UBE2E2: variants seen among roughly 807,000 people sequenced by gnomAD.
UBE2E2 encodes ubiquitin conjugating enzyme E2 E2.
UBE2E2 carries 6 observed loss-of-function variants against 24.7 expected under a neutral mutation model. The observed-to-expected ratio is 0.24, with a 90% CI of 0.13 to 0.48. UBE2E2 has a LOEUF of 0.48. UBE2E2 is among the 20% of genes least tolerant of loss of function. UBE2E2 has a pLI of 0.99. For missense variants in UBE2E2, 169 were observed against 245.0 expected (o/e 0.69, Z 2.07); for synonymous variants, 104 against 83.6 (o/e 1.24, Z -1.33).
At chr3:23,388,693 T>G (rs1216859283) in intron 3 of UBE2E2, among the ~76,000 whole-genome samples, 1 of 152,036 alleles carries the variant, frequency 6.6e-6, no homozygotes, top group African/African-American at 2.4e-5. Flanking sequence ...AAAAAAAATA[T>G]TTGGTCTTTG....
chr3:23,255,665 A>G (rs1439300771), intron 3 of UBE2E2, among the ~76,000 whole-genome samples: 3 of 152,218 alleles, frequency 2.0e-5, no homozygotes, highest in Admixed American at 6.5e-5. Flanking sequence ...TCTATTTTAC[A>G]GAAGTATGAG....
At chr3:23,552,356 A>G (rs746635426) in intron 5 of UBE2E2, among the ~76,000 whole-genome samples, 7 of 152,178 alleles carry the variant, frequency 4.6e-5, no homozygotes, top group Non-Finnish European at 8.8e-5. Context: ...CCTTCTCTAA[A>G]AAATAAAGTT....
chr3:23,339,332 T>G (rs1345652416), intron 3 of UBE2E2, among the ~76,000 whole-genome samples: 1 of 152,140 alleles, frequency 6.6e-6, no homozygotes, highest in Non-Finnish European at 1.5e-5. Flanking sequence ...GGTATTTGGA[T>G]CAAACACTGG....
chr3:23,327,359 C>T (rs570360320), intron 3 of UBE2E2, among the ~76,000 whole-genome samples: 23 of 152,234 alleles, frequency 1.5e-4, no homozygotes, highest in Admixed American at 7.2e-4. Context: ...TTTTAATGAT[C>T]GCCATTCTAA....
rs565434071 is a variant in UBE2E2 at position 23,446,138 on chromosome 3, G to A, written c.228-53470G>A. 7.2e-5 allele frequency among the ~76,000 whole-genome samples: 11 copies of A among 152,210 alleles called. No individual in the cohort carries two copies. The East Asian group carries it at 7.7e-4, about 11-fold the overall frequency. On this transcript the variant is annotated intron_variant, in intron 3 of 5. Transcript: ENST00000396703. ...GTCACTCTTGAAACTGGCATCCTTC[G>A]GGGTCTCTGATAAATGGATCAAAAC...
chr3:23,296,679 G>A (rs1460238710), intron 3 of UBE2E2, among the ~76,000 whole-genome samples: 3 of 152,164 alleles, frequency 2.0e-5, no homozygotes, highest in Non-Finnish European at 4.4e-5. Context: ...TGGTGTATAT[G>A]TGCCACATTT....
At chr3:23,440,145 G>A (rs1698271388) in intron 3 of UBE2E2, among the ~76,000 whole-genome samples, 1 of 152,060 alleles carries the variant, frequency 6.6e-6, no homozygotes, top group South Asian at 2.1e-4. Flanking sequence ...GCAGTGGCAG[G>A]TGCCTGTAAT....
At chr3:23,297,736 G>A (rs899588732) in intron 3 of UBE2E2, among the ~76,000 whole-genome samples, 1 of 152,118 alleles carries the variant, frequency 6.6e-6, no homozygotes, top group African/African-American at 2.4e-5. Context: ...CTCCAGCTTT[G>A]TTCTTTTGGC....
intron 3 of UBE2E2, among the ~76,000 whole-genome samples, chr3:23,490,976 T>G (rs886084111): frequency 6.6e-6 from 1 of 152,164 alleles, no homozygotes; most frequent in African/African-American, 2.4e-5. Context: ...ACAAAATAAT[T>G]ATTTTTCTTG....
chr3:23,465,346 C>G (rs1698899188), intron 3 of UBE2E2, among the ~76,000 whole-genome samples: 1 of 152,226 alleles, frequency 6.6e-6, no homozygotes, highest in Non-Finnish European at 1.5e-5. Context: ...TGGAATCACA[C>G]TAGGTATAAT....
At chr3:23,532,930 T>A (rs1378331607) in intron 5 of UBE2E2, among the ~76,000 whole-genome samples, 1 of 152,102 alleles carries the variant, frequency 6.6e-6, no homozygotes, top group African/African-American at 2.4e-5. Flanking sequence ...GTAAAAAAAA[T>A]AATGAAAAAT....
intron 3 of UBE2E2, among the ~76,000 whole-genome samples, chr3:23,399,743 G>A (rs1284329569): frequency 6.6e-6 from 1 of 152,078 alleles, no homozygotes; most frequent in Non-Finnish European, 1.5e-5. Context: ...AAAATCGTAT[G>A]GACAACTCAG....
At chr3:23,537,487 G>A (rs897086866) in intron 5 of UBE2E2, among the ~76,000 whole-genome samples, 1 of 152,144 alleles carries the variant, frequency 6.6e-6, no homozygotes, top group Non-Finnish European at 1.5e-5. Context: ...TTAACCCTCA[G>A]CCTTGTATAG....
chr3:23,339,167 C>T (rs1193555726), intron 3 of UBE2E2, among the ~76,000 whole-genome samples: 2 of 152,040 alleles, frequency 1.3e-5, no homozygotes, highest in South Asian at 4.1e-4. Context: ...AATGCATATC[C>T]TGAATTTAAT....
chr3:23,483,430 A>G (rs1361814393), intron 3 of UBE2E2, among the ~76,000 whole-genome samples: 1 of 152,258 alleles, frequency 6.6e-6, no homozygotes, highest in African/African-American at 2.4e-5. Flanking sequence ...TCTTATTATA[A>G]CTTCACACGG....
intron 3 of UBE2E2, among the ~76,000 whole-genome samples, chr3:23,444,065 G>GTTTTTTT (rs59171795): frequency 4.3e-5 from 5 of 117,388 alleles, no homozygotes; most frequent in Non-Finnish European, 5.5e-5. Context: ...CACCAGTTTT[G>GTTTTTTT]TTTTTTTTTT....
intron 5 of UBE2E2, among the ~76,000 whole-genome samples, chr3:23,587,129 G>A (rs1481016391): frequency 6.6e-6 from 1 of 152,054 alleles, no homozygotes; most frequent in African/African-American, 2.4e-5. Context: ...AATCAAATTT[G>A]AAAACGTAAA....
Position 23,558,380 on chromosome 3 carries a change from A to G in UBE2E2, c.508+25679A>G, listed in dbSNP as rs574144581. Among the ~76,000 whole-genome samples, 3 of 152,272 alleles carry G rather than the reference A, an allele frequency of 2.0e-5. No homozygotes were observed. In the South Asian group the frequency reaches 6.2e-4, roughly 32 times the overall value. On this transcript the variant is annotated intron_variant, in intron 5 of 5. Coordinates refer to ENST00000396703, the MANE Select transcript of UBE2E2 (RefSeq NM_152653.4). ...CCCCTCAGTTTATACACCTGGGCAA[A>G]CATAGATGTACAGACATATCTTTAT...
At chr3:23,497,878 C>T (rs1699638087) in intron 3 of UBE2E2, among the ~76,000 whole-genome samples, 1 of 152,152 alleles carries the variant, frequency 6.6e-6, no homozygotes, top group African/African-American at 2.4e-5. Flanking sequence ...CCTATATTCT[C>T]ATCCGAAGGA....
Sources: gnomAD v4.1 joint callset for allele counts (sites outside exome capture counted in the v4.1 genomes callset) on GRCh38, gnomAD v4.1.1 for gene constraint, MANE v1.5 for transcripts, NCBI Gene and HGNC (gene_info 2026-07-23, HGNC 2026-07-21) for gene names.